Variants in CCDC73 observed in about 807,000 individuals in gnomAD.
CCDC73 encodes coiled-coil domain-containing protein 73.
CCDC73 carries 95 observed loss-of-function variants against 116.5 expected under a neutral mutation model. The ratio of observed to expected loss-of-function variants is 0.82; its 90% CI spans 0.69 to 0.97. CCDC73 has a LOEUF of 0.97. Among genes scored for constraint, CCDC73 ranks in the 50% least tolerant of loss-of-function variants. The pLI is 0.00. For synonymous variants in CCDC73, 398 were observed against 401.3 expected (o/e 0.99, Z 0.10); for missense variants, 1,066 against 1,206.8 (o/e 0.88, Z 1.73).
At chr11:32,655,160 A>G (rs1028238682) in intron 9 of CCDC73, among the ~76,000 whole-genome samples, 188 bp from the exon 10 acceptor site, 2 of 30,228 alleles carry the variant, frequency 6.6e-5, no homozygotes, top group Non-Finnish European at 1.6e-4. Context: ...GGCAAAGTTA[A>G]TCAATCATAA....
intron 3 of CCDC73, among the ~76,000 whole-genome samples, chr11:32,711,013 A>T (rs1849896094): frequency 6.6e-6 from 1 of 152,192 alleles, no homozygotes. Context: ...AAAAAGATAT[A>T]CAAATGGCCA....
intron 2 of CCDC73, among the ~76,000 whole-genome samples, chr11:32,736,515 G>A (rs1316224697): frequency 2.6e-5 from 4 of 152,254 alleles, no homozygotes; most frequent in South Asian, 2.1e-4. Flanking sequence ...GAAACAACAG[G>A]TGCTGGAGAG....
intron 14 of CCDC73, among the ~76,000 whole-genome samples, chr11:32,618,842 G>A (rs1475191049): frequency 6.6e-5 from 10 of 152,156 alleles, no homozygotes; most frequent in African/African-American, 1.7e-4. Flanking sequence ...ATGAGCCACC[G>A]TGCCCAGCCT....
intron 1 of CCDC73, among the ~76,000 whole-genome samples, chr11:32,765,884 A>T (rs1590637240): frequency 6.6e-6 from 1 of 152,236 alleles, no homozygotes; most frequent in South Asian, 2.1e-4. Context: ...AGGTACAAGG[A>T]GGAGCTGGTA....
intron 7 of CCDC73, chr11:32,681,779 C>T (rs1032908374): frequency 2.0e-5 from 3 of 151,638 alleles, no homozygotes; most frequent in Admixed American, 2.0e-4. Context: ...TACTATACCG[C>T]ACTTTGAATA....
At chr11:32,729,025 A>G (rs1300124778) in intron 2 of CCDC73, among the ~76,000 whole-genome samples, 1 of 148,216 alleles carries the variant, frequency 6.7e-6, no homozygotes, top group Non-Finnish European at 1.5e-5. Flanking sequence ...TTTTTTTTTC[A>G]ACTTTAAGTG....
chr11:32,822,552 T>C, the CCDC73 span, among the ~76,000 whole-genome samples: 1 of 152,222 alleles, frequency 6.6e-6, no homozygotes, highest in African/African-American at 2.4e-5. Context: ...CAGTAAGTAT[T>C]AATTTAGCAT....
At chr11:32,698,187 G>A (rs1849775013) in intron 6 of CCDC73, among the ~76,000 whole-genome samples, 1 of 151,786 alleles carries the variant, frequency 6.6e-6, no homozygotes, top group East Asian at 1.9e-4. Context: ...ACCACGCCCA[G>A]CTAATTTTTT....
chr11:32,812,102 A>G, the CCDC73 span, among the ~76,000 whole-genome samples: 2 of 152,172 alleles, frequency 1.3e-5, no homozygotes, highest in East Asian at 3.8e-4. Context: ...TTTTCTGGAT[A>G]TATTTTTAAC....
intron 2 of CCDC73, among the ~76,000 whole-genome samples, chr11:32,755,797 A>ATG (rs1288288592): frequency 5.5e-5 from 7 of 128,260 alleles, no homozygotes; most frequent in Admixed American, 1.7e-4. Flanking sequence ...ATCTCCATAT[A>ATG]TGTGTATATA....
chr11:32,790,448 G>A lies in CCDC73; in HGVS notation c.-16+4165C>T, dbSNP rs187984363. 5.6e-4 allele frequency among the ~76,000 whole-genome samples: 85 copies of A among 152,116 alleles called. 2 individuals carry two copies. The East Asian group carries it at 0.014, about 24-fold the overall frequency. On this transcript the variant is annotated intron_variant, in intron 1 of 17. Coordinates refer to ENST00000335185, the MANE Select transcript of CCDC73 (RefSeq NM_001008391.4). ...ATTTATAATACTGCCCATAAATAAT[G>A]TTATTTTTTCATTAACTGTTTCATG...
intron 14 of CCDC73, among the ~76,000 whole-genome samples, chr11:32,630,432 C>T (rs1286592334): frequency 6.6e-6 from 1 of 152,118 alleles, no homozygotes; most frequent in Non-Finnish European, 1.5e-5. Context: ...CAACCTCCAC[C>T]TCCTGGGTTC....
chr11:32,718,098 G>A lies in CCDC73; in HGVS notation c.185C>T (p.Thr62Ile), dbSNP rs777392219. Reference sequence around the variant, plus strand: ...CACCTTTTGCCATTTAAGTTCCTGTGTCTCCACAATAATTTTACCAATCTG... The same window carrying A: ...CACCTTTTGCCATTTAAGTTCCTGTATCTCCACAATAATTTTACCAATCTG... ...EEQIGKIIVE[T>I]QELKWQKETL... The change falls in exon 3 of 18, where the codon ACA becomes ATA. Residue 62 changes from threonine to isoleucine, a missense_variant. Transcript: ENST00000335185. 8 of 1,607,854 alleles carry A rather than the reference G, an allele frequency of 5.0e-6. No individual in the cohort carries two copies. In the African/African-American group the frequency reaches 5.4e-5, roughly 11 times the overall value.
chr11:32,747,213 G>A (rs1266676642), intron 2 of CCDC73, among the ~76,000 whole-genome samples: 2 of 152,140 alleles, frequency 1.3e-5, no homozygotes, highest in Non-Finnish European at 2.9e-5. Flanking sequence ...GGAGTTTGCT[G>A]GAGGTCCACT....
At chr11:32,670,827 C>T (rs1346073553) in intron 9 of CCDC73, among the ~76,000 whole-genome samples, 3 of 152,034 alleles carry the variant, frequency 2.0e-5, no homozygotes, top group East Asian at 1.9e-4. Flanking sequence ...ACAATTATTG[C>T]TATAAGACAA....
intron 1 of CCDC73, among the ~76,000 whole-genome samples, chr11:32,779,699 C>CG (rs1296636502): frequency 1.3e-5 from 2 of 152,108 alleles, no homozygotes; most frequent in Admixed American, 6.5e-5. Context: ...GAATGACAGA[C>CG]GCACAGTTCA....
chr11:32,795,040 G>A (rs894970492), upstream of CCDC73, among the ~76,000 whole-genome samples: 3 of 152,118 alleles, frequency 2.0e-5, no homozygotes, highest in Non-Finnish European at 4.4e-5. Flanking sequence ...AAAGAAAAAT[G>A]AGTAAGTATT....
chr11:32,620,712 G>A (rs1052448572), intron 14 of CCDC73, among the ~76,000 whole-genome samples: 1 of 151,770 alleles, frequency 6.6e-6, no homozygotes, highest in Non-Finnish European at 1.5e-5. Context: ...CAAGTGGAGG[G>A]GATTATAAAA....
rs200553444 is a variant in CCDC73 at position 32,677,981 on chromosome 11, C to A, written c.430-1960G>T. ...AAAAAAAAAAAAAAAAAAAAAAAAC[C>A]CACAACCAAAGTACAGGCCGAGCAC... On this transcript the variant is annotated intron_variant, in intron 7 of 17. Coordinates refer to ENST00000335185, the MANE Select transcript of CCDC73 (RefSeq NM_001008391.4). 1.8e-4 allele frequency among the ~76,000 whole-genome samples: 24 copies of A among 131,446 alleles called. No individual in the cohort carries two copies. The East Asian group carries it at 4.8e-3, about 26-fold the overall frequency. The allele number at this position is 131,446 out of a possible 152,430, so 86.2% of individuals were successfully genotyped here. A position where few individuals can be genotyped will look rare whatever the true frequency, so the allele number is the denominator to read the frequency against.
Sources: gnomAD v4.1 joint callset for allele counts (sites outside exome capture counted in the v4.1 genomes callset) on GRCh38, gnomAD v4.1.1 for gene constraint, MANE v1.5 for transcripts, NCBI Gene and HGNC (gene_info 2026-07-23, HGNC 2026-07-21) for gene names.